The following WASHC5 variants were observed in gnomAD, a reference collection of about 807,000 sequenced individuals.
WASHC5 encodes WASH complex subunit strumpellin.
A neutral mutation model predicts 150.4 loss-of-function variants in WASHC5; 101 were observed. That is an observed-to-expected ratio of 0.67 (90% CI 0.57 to 0.79). The LOEUF (loss-of-function observed/expected upper bound fraction) is 0.79, where lower values mean the gene tolerates loss of function less well. Ranked by LOEUF, WASHC5 falls within the 30% of genes least tolerant of loss-of-function variation. The pLI is 0.00. For missense variants in WASHC5, 1,195 were observed against 1,396.3 expected, an observed-to-expected ratio of 0.86 and a Z score of 2.30; for synonymous variants, 467 against 491.2, an observed-to-expected ratio of 0.95 and a Z score of 0.65.
intron 23 of WASHC5, among the ~76,000 whole-genome samples, chr8:125,043,034 T>A (rs1396896708): frequency 6.6e-6 from 1 of 152,254 alleles, no homozygotes; most frequent in Non-Finnish European, 1.5e-5. Flanking sequence ...CAGTATGTGA[T>A]ATTTTTGACC....
chr8:125,030,602 C>T (rs1267602480), intron 27 of WASHC5, among the ~76,000 whole-genome samples: 3 of 143,384 alleles, frequency 2.1e-5, no homozygotes, highest in African/African-American at 7.8e-5. Context: ...CACGCCACTG[C>T]ACTCCAACCT....
chr8:125,042,654 C>T (rs1316692583), intron 23 of WASHC5, among the ~76,000 whole-genome samples: 3 of 152,202 alleles, frequency 2.0e-5, no homozygotes, highest in African/African-American at 7.2e-5. Flanking sequence ...CCCCTAACGC[C>T]TCCTACAGAG....
chr8:125,051,405 T>A (rs1162752496), intron 17 of WASHC5, among the ~76,000 whole-genome samples: 1 of 152,242 alleles, frequency 6.6e-6, no homozygotes, highest in Admixed American at 6.5e-5. Flanking sequence ...ATAAAGGCAA[T>A]TAATGGGTTC....
At chr8:125,029,580 G>A (rs551806067) in intron 27 of WASHC5, among the ~76,000 whole-genome samples, 1 of 152,192 alleles carries the variant, frequency 6.6e-6, no homozygotes, top group South Asian at 2.1e-4. Flanking sequence ...CATATTTGAC[G>A]GTATCAAATA....
At chr8:125,065,867 T>A (rs1816732072) in intron 10 of WASHC5, among the ~76,000 whole-genome samples, 2 of 152,192 alleles carry the variant, frequency 1.3e-5, no homozygotes, top group Admixed American at 1.3e-4. Flanking sequence ...TCCACCCGCC[T>A]TAGCCTCCCA....
intron 3 of WASHC5, 143 bp from the exon 4 acceptor site, chr8:125,082,610 A>G (rs536504145): frequency 1.6e-6 from 1 of 643,610 alleles, no homozygotes; most frequent in East Asian, 2.7e-5. Flanking sequence ...GCTCTTAAGA[A>G]TACAGTCTTA....
chr8:125,080,559 T>C (rs539079673), intron 5 of WASHC5, among the ~76,000 whole-genome samples: 17 of 152,304 alleles, frequency 1.1e-4, no homozygotes, highest in Middle Eastern at 3.4e-3. Context: ...TCCTAATTTT[T>C]AAGTTTGAAA....
At chr8:125,091,342 GT>G (rs967240410) in intron 1 of WASHC5, among the ~76,000 whole-genome samples, 20 of 152,256 alleles carry the variant, frequency 1.3e-4, no homozygotes, top group African/African-American at 4.8e-4. Context: ...CCATACAGCA[GT>G]GTTCCCGGAA....
At chr8:125,069,156 G>C (rs938910561) in intron 9 of WASHC5, among the ~76,000 whole-genome samples, 1 of 152,174 alleles carries the variant, frequency 6.6e-6, no homozygotes, top group African/African-American at 2.4e-5. Context: ...ATTATCTTGG[G>C]AGTGGGTTAG....
At chr8:125,036,596 C>T (rs955951186) in intron 26 of WASHC5, among the ~76,000 whole-genome samples, 3 of 144,162 alleles carry the variant, frequency 2.1e-5, no homozygotes, top group Admixed American at 6.7e-5. Context: ...TTCTTGAGCA[C>T]GAGAGGTCAA....
At chr8:125,053,068 G>A (rs1816291736) in intron 17 of WASHC5, among the ~76,000 whole-genome samples, 2 of 150,316 alleles carry the variant, frequency 1.3e-5, no homozygotes, top group South Asian at 4.2e-4. Context: ...ATCATATGAA[G>A]TTGAATCATT....
intron 19 of WASHC5, among the ~76,000 whole-genome samples, chr8:125,048,331 T>C (rs1816136016): frequency 6.6e-6 from 1 of 152,192 alleles, no homozygotes; most frequent in Non-Finnish European, 1.5e-5. Flanking sequence ...ATCAAACTTC[T>C]CAATTTTGGC....
chr8:125,039,715 G>GT, intron 24 of WASHC5, 80 bp downstream of exon 24: 1 of 948,570 alleles, frequency 1.1e-6, no homozygotes, highest in East Asian at 2.4e-5. Context: ...ACTTAAAAGA[G>GT]TAAGAACTGA....
At chr8:125,055,901 C>A (rs1816389920) in intron 16 of WASHC5, among the ~76,000 whole-genome samples, 1 of 152,116 alleles carries the variant, frequency 6.6e-6, no homozygotes, top group African/African-American at 2.4e-5. Flanking sequence ...CTTTAGGCTT[C>A]ATTTTCTCAT....
At chr8:125,050,529 G>A in intron 18 of WASHC5, 35 bp downstream of exon 18, 2 of 1,468,324 alleles carry the variant, frequency 1.4e-6, no homozygotes, top group South Asian at 2.3e-5. Flanking sequence ...AAGCTGGGCG[G>A]AGAAGAGGAC....
intron 26 of WASHC5, among the ~76,000 whole-genome samples, chr8:125,033,284 CAGAAT>C (rs1236867207): frequency 1.3e-5 from 2 of 152,154 alleles, no homozygotes; most frequent in Non-Finnish European, 1.5e-5. Context: ...ATCAATGGAA[CAGAAT>C]AGAGTCTAGA....
intron 26 of WASHC5, among the ~76,000 whole-genome samples, chr8:125,035,109 C>T (rs999070802): frequency 6.6e-6 from 1 of 152,180 alleles, no homozygotes; most frequent in African/African-American, 2.4e-5. Context: ...TGAATACCCA[C>T]AAAGATACCA....
At chr8:125,061,323 T>C in intron 11 of WASHC5, 129 bp from the exon 12 acceptor site, 1 of 614,452 alleles carries the variant, frequency 1.6e-6, no homozygotes, top group Non-Finnish European at 2.9e-6. Flanking sequence ...CACTAGGAAT[T>C]TTCCAAACGA....
chr8:125,088,162 G>T (rs935195960), intron 1 of WASHC5, among the ~76,000 whole-genome samples: 1 of 152,028 alleles, frequency 6.6e-6, no homozygotes, highest in African/African-American at 2.4e-5. Context: ...AGGAGAATAG[G>T]GCCAGGTGTG....
Sources: gnomAD v4.1 joint callset for allele counts (sites outside exome capture counted in the v4.1 genomes callset) on GRCh38, gnomAD v4.1.1 for gene constraint, MANE v1.5 for transcripts, NCBI Gene and HGNC (gene_info 2026-07-23, HGNC 2026-07-21) for gene names.